Variants in ZNF385B observed in about 807,000 individuals in gnomAD.
ZNF385B encodes zinc finger protein 533.
ZNF385B carries 23 observed loss-of-function variants against 39.2 expected under a neutral mutation model. That is an observed-to-expected ratio of 0.59 (90% CI 0.42 to 0.83). The LOEUF (loss-of-function observed/expected upper bound fraction) is 0.83. ZNF385B is among the 40% of genes least tolerant of loss of function. The pLI is 0.00. For missense variants in ZNF385B, 552 were observed against 598.9 expected (o/e 0.92, Z 0.82); for synonymous variants, 205 against 222.6 (o/e 0.92, Z 0.70).
rs535898200 is a variant in ZNF385B, at chr2:179,526,238, A to G, written c.442-7600T>C. Among the ~76,000 whole-genome samples, 15 of 92,220 alleles carry G rather than the reference A, an allele frequency of 1.6e-4. No individual in the cohort carries two copies. The South Asian group carries it at 4.3e-3, about 27-fold the overall frequency. The allele number at this position is 92,220 out of a possible 152,430, so 60.5% of individuals were successfully genotyped here. ...GAGACAGGGTTTCACCATGTTGCCCAGGCTGGAACTATAGAACTTTGTACT... is the reference window on the plus strand; with the variant it reads ...GAGACAGGGTTTCACCATGTTGCCCGGGCTGGAACTATAGAACTTTGTACT... On this transcript the variant is annotated intron_variant, in intron 4 of 9. Coordinates refer to ENST00000410066, the MANE Select transcript of ZNF385B (RefSeq NM_152520.6).
At chr2:179,807,929 A>AGAAAGAAGGAAG (rs749760813) in intron 1 of ZNF385B, among the ~76,000 whole-genome samples, 26 of 116,522 alleles carry the variant, frequency 2.2e-4, no homozygotes, top group African/African-American at 5.2e-4. Flanking sequence ...AAAGAAAGAA[A>AGAAAGAAGGAAG]GAAGGAAGGA....
At chr2:179,815,370 T>C (rs911112354) in intron 1 of ZNF385B, among the ~76,000 whole-genome samples, 3 of 152,132 alleles carry the variant, frequency 2.0e-5, no homozygotes, top group African/African-American at 7.2e-5. Flanking sequence ...TTCACTTTTA[T>C]TACCTAAGTC....
At position 179,477,881 on chromosome 2, in the gene ZNF385B, C is replaced by G. The variant is rs557745654; in HGVS notation, c.715+5391G>C. ...TAGAAATTAAGGATTATCAATGAAA[C>G]AAAGCCTTGATGGTCCCTTCACTGC... On this transcript the variant is annotated intron_variant, in intron 6 of 9. Coordinates refer to ENST00000410066, the MANE Select transcript of ZNF385B (RefSeq NM_152520.6). Among the ~76,000 whole-genome samples, 4 of 152,262 alleles carry G rather than the reference C, an allele frequency of 2.6e-5. No individual in the cohort carries two copies. In the East Asian group the frequency reaches 7.7e-4, roughly 29 times the overall value.
intron 1 of ZNF385B, among the ~76,000 whole-genome samples, chr2:179,860,278 AG>A (rs1219317005): frequency 6.6e-6 from 1 of 152,012 alleles, no homozygotes; most frequent in Non-Finnish European, 1.5e-5. Context: ...GCGTGGGGAG[AG>A]GGGGGATACT....
chr2:179,479,272 G>A (rs553573420), intron 6 of ZNF385B, among the ~76,000 whole-genome samples: 7 of 152,150 alleles, frequency 4.6e-5, no homozygotes, highest in African/African-American at 7.2e-5. Flanking sequence ...TGCTATTATA[G>A]TTTAAACCCA....
chr2:179,810,476 T>C (rs963304910), intron 1 of ZNF385B, among the ~76,000 whole-genome samples: 5 of 152,030 alleles, frequency 3.3e-5, no homozygotes, highest in African/African-American at 7.2e-5. Context: ...CAAATATATA[T>C]ACAAAAAATC....
intron 1 of ZNF385B, among the ~76,000 whole-genome samples, chr2:179,854,798 A>G (rs569574831): frequency 1.3e-5 from 2 of 152,314 alleles, no homozygotes; most frequent in Non-Finnish European, 2.9e-5. Context: ...ACTTTTTAAA[A>G]TTTCATTATG....
chr2:179,557,103 A>G lies in ZNF385B; in HGVS notation c.299-12134T>C, dbSNP rs532759850. 4.1e-4 allele frequency among the ~76,000 whole-genome samples: 62 copies of G among 149,558 alleles called. 9 individuals carry two copies. The highest frequency in any genetic ancestry group is 1.5e-3 in the African/African-American group (60 of 39,762). ...AATCTACCCTTCATTTTGTATAACA[A>G]AAATGGGATTTGGAGAGCTTAATCT... On this transcript the variant is annotated intron_variant, in intron 3 of 9. Coordinates refer to ENST00000410066, the MANE Select transcript of ZNF385B (RefSeq NM_152520.6).
At chr2:179,701,441 C>T (rs920625599) in intron 3 of ZNF385B, among the ~76,000 whole-genome samples, 2 of 152,138 alleles carry the variant, frequency 1.3e-5, no homozygotes, top group African/African-American at 4.8e-5. Flanking sequence ...TTCATCTTCA[C>T]AACAATCTTG....
At position 179,853,046 on chromosome 2, in the gene ZNF385B, G is replaced by C. The variant is rs368074338; in HGVS notation, c.-155+8055C>G. Among the ~76,000 whole-genome samples the C allele has an allele frequency of 7.4e-4, 113 of 152,192 alleles. 1 individual carries two copies. The Middle Eastern group carries it at 0.014, about 18-fold the overall frequency. On this transcript the variant is annotated intron_variant, in intron 1 of 9. Coordinates refer to ENST00000410066, the MANE Select transcript of ZNF385B (RefSeq NM_152520.6). ...TTAAGAACCATACATGCAGTAATGA[G>C]GTATATATGGACTTAAGCTCTTTGG...
intron 6 of ZNF385B, among the ~76,000 whole-genome samples, chr2:179,466,610 C>A (rs1046584895): frequency 6.6e-6 from 1 of 152,044 alleles, no homozygotes; most frequent in African/African-American, 2.4e-5. Context: ...GGTTGATATA[C>A]TTGTGTAATA....
chr2:179,598,837 G>T (rs984012700), intron 3 of ZNF385B, among the ~76,000 whole-genome samples: 2 of 152,162 alleles, frequency 1.3e-5, no homozygotes, highest in Admixed American at 6.6e-5. Flanking sequence ...TTTCTAAAAA[G>T]AATTTACTAA....
chr2:179,524,718 G>T (rs1395307691), intron 4 of ZNF385B, among the ~76,000 whole-genome samples: 1 of 151,920 alleles, frequency 6.6e-6, no homozygotes, highest in Non-Finnish European at 1.5e-5. Flanking sequence ...AGTGAAAAAG[G>T]TAGTACAAAC....
intron 3 of ZNF385B, among the ~76,000 whole-genome samples, chr2:179,765,386 T>C (rs1470229571): frequency 6.6e-6 from 1 of 152,182 alleles, no homozygotes; most frequent in African/African-American, 2.4e-5. Flanking sequence ...CAGAGCTGCA[T>C]CCAGATTTGG....
At chr2:179,854,878 G>A (rs1684459660) in intron 1 of ZNF385B, among the ~76,000 whole-genome samples, 1 of 152,188 alleles carries the variant, frequency 6.6e-6, no homozygotes, top group Non-Finnish European at 1.5e-5. Context: ...TAGGCTGTTA[G>A]TGAAGATTTA....
intron 3 of ZNF385B, among the ~76,000 whole-genome samples, chr2:179,683,333 T>TA (rs1697674871): frequency 6.6e-6 from 1 of 151,920 alleles, no homozygotes. Flanking sequence ...GAGGTTTCAG[T>TA]GAGTCGAGAT....
In ZNF385B at chr2:179,565,326, A is replaced by G. The variant is rs531220651; in HGVS notation, c.299-20357T>C. ...CACAAGTAGGAATAAAACAGTAATC[A>G]TATCTCATGAGGAGCTCTGAAGGAA... is the stretch of plus-strand genomic sequence containing the variant. On this transcript the variant is annotated intron_variant, in intron 3 of 9. Transcript: ENST00000410066. Among the ~76,000 whole-genome samples the G allele has an allele frequency of 4.6e-5, 7 of 152,288 alleles. No individual in the cohort carries two copies. The South Asian group carries it at 1.5e-3, about 32-fold the overall frequency.
chr2:179,780,364 C>G (rs553894398), intron 1 of ZNF385B, among the ~76,000 whole-genome samples: 519 of 152,298 alleles, frequency 3.4e-3, no homozygotes, highest in South Asian at 7.5e-3. Flanking sequence ...TCCCAGAGGG[C>G]TGGCAGGATG....
At chr2:179,510,635 C>T (rs2057606431) in intron 5 of ZNF385B, among the ~76,000 whole-genome samples, 1 of 151,754 alleles carries the variant, frequency 6.6e-6, no homozygotes, top group Non-Finnish European at 1.5e-5. Flanking sequence ...AGTAAAATAC[C>T]TCTGATTTAA....
Sources: gnomAD v4.1 joint callset for allele counts (sites outside exome capture counted in the v4.1 genomes callset) on GRCh38, gnomAD v4.1.1 for gene constraint, MANE v1.5 for transcripts, NCBI Gene and HGNC (gene_info 2026-07-23, HGNC 2026-07-21) for gene names.